Variants in FEM1C observed in about 807,000 individuals in gnomAD.
FEM1C encodes the protein protein fem-1 homolog C.
In FEM1C, 15 loss-of-function variants were observed where a neutral mutation model predicts 37.6. The observed-to-expected ratio is 0.40, with a 90% CI of 0.27 to 0.61. The LOEUF (loss-of-function observed/expected upper bound fraction) is 0.61. Among genes scored for constraint, FEM1C ranks in the 20% least tolerant of loss-of-function variants. The probability of loss-of-function intolerance (pLI) is 0.42; values close to 1 mark genes in which losing one functional copy is unlikely to be tolerated. For missense variants in FEM1C, 532 were observed against 749.7 expected, an observed-to-expected ratio of 0.71 and a Z score of 3.39; for synonymous variants, 287 against 272.8, an observed-to-expected ratio of 1.05 and a Z score of -0.51.
intron 1 of FEM1C, chr5:115,543,917 A>T (rs1389328623): frequency 1.0e-5 from 10 of 985,374 alleles, no homozygotes; most frequent in Non-Finnish European, 1.2e-5. Context: ...GGAAAATTTA[A>T]ACACTACAGG....
intron 2 of FEM1C, among the ~76,000 whole-genome samples, chr5:115,528,090 G>T (rs1753940572): frequency 1.4e-5 from 2 of 146,760 alleles, no homozygotes; most frequent in East Asian, 4.1e-4. Context: ...TATTTATTTT[G>T]AATACACCCA....
rs1258180048 is a variant in FEM1C at position 115,542,930 on chromosome 5, A to C, written c.544+20T>G. ...AAAATAAGTGGTAGACATTTAGAAAAACAAAGAAGCTGAACTCACCTTTGA... is the reference window on the plus strand; with the variant it reads ...AAAATAAGTGGTAGACATTTAGAAACACAAAGAAGCTGAACTCACCTTTGA... On this transcript the variant is annotated intron_variant, in intron 2 of 2. Coordinates refer to ENST00000274457, the MANE Select transcript of FEM1C (RefSeq NM_020177.3). 6.3e-7 allele frequency: 1 copy of C among 1,592,164 alleles called. No homozygotes were observed.
At position 115,543,626 on chromosome 5, in the gene FEM1C, C is replaced by T; in HGVS notation, c.-133G>A. Reference sequence around the variant, plus strand: ...GCTGCACCCCAGAACGGATACACAACCACGAAGAGTATGTTCCGTCCTACT... The same window carrying T: ...GCTGCACCCCAGAACGGATACACAATCACGAAGAGTATGTTCCGTCCTACT... On this transcript the variant is annotated 5_prime_UTR_variant, in exon 2 of 3. Transcript: ENST00000274457. 1.4e-6 allele frequency: 2 copies of T among 1,445,592 alleles called. No homozygotes were observed. Among genetic ancestry groups the T allele is most frequent in the South Asian group, 1.5e-5 (1 of 67,574 alleles). The allele number at this position is 1,445,592 out of a possible 1,614,324, so 89.5% of individuals were successfully genotyped here.
chr5:115,532,629 AAT>A (rs1304395435), intron 2 of FEM1C, among the ~76,000 whole-genome samples: 1 of 151,890 alleles, frequency 6.6e-6, no homozygotes, highest in Admixed American at 6.6e-5. Context: ...ACAAAGTTAT[AAT>A]CAGTATATAT....
In FEM1C at chr5:115,525,296, G is replaced by C; in HGVS notation, c.866C>G (p.Pro289Arg). 4 of 1,613,688 alleles carry C rather than the reference G, an allele frequency of 2.5e-6. No individual in the cohort carries two copies. The highest frequency in any genetic ancestry group is 3.4e-6 in the Non-Finnish European group (4 of 1,179,842). ...ATCATAAGCCATTATTAGTGTCTGT[G>C]GCACTGGTTTACTAATAATATTAGT... ...DRTNIISKPVPQTLIMAYDYA... is the reference protein window; with the variant it reads ...DRTNIISKPVRQTLIMAYDYA... The change falls in exon 3 of 3, where the codon CCA (proline) becomes CGA (arginine). Residue 289 changes from proline (P) to arginine (R), a missense_variant. Physicochemically the swap from Pro to Arg is moderately radical, Grantham distance 103. This residue lies in a region of FEM1C where 221 missense variants were observed against 404.1 expected (regional missense o/e 0.55). Coordinates refer to ENST00000274457, the MANE Select transcript of FEM1C (RefSeq NM_020177.3).
At chr5:115,539,475 A>C (rs1754196168) in intron 2 of FEM1C, among the ~76,000 whole-genome samples, 1 of 152,088 alleles carries the variant, frequency 6.6e-6, no homozygotes, top group South Asian at 2.1e-4. Context: ...AATAGGAACC[A>C]ACTCCCGTCT....
rs1753771534 is a variant in FEM1C, at chr5:115,521,421, T to C, written c.*2887A>G. 6.6e-6 allele frequency: 1 copy of C among 151,812 alleles called. No individual in the cohort carries two copies. The highest frequency in any genetic ancestry group is 2.4e-5 in the African/African-American group (1 of 41,404). 9.4% of individuals were successfully genotyped at this position (151,812 alleles called of 1,614,324 possible). On this transcript the variant is annotated 3_prime_UTR_variant, in exon 3 of 3. Transcript: ENST00000274457. ...AAGTGAGCTATCACTTAACTTCAAA[T>C]TCATAATGGGCACCAAATTATCTTT...
intron 2 of FEM1C, among the ~76,000 whole-genome samples, chr5:115,542,283 C>T (rs55797760): frequency 0.17 from 26,225 of 152,106 alleles, 2,405 homozygotes; most frequent in East Asian, 0.23. Flanking sequence ...AACAAATCCA[C>T]ATCTGTTTAA....
rs1468488457 is a variant in FEM1C, at chr5:115,524,604, C to T, written c.1558G>A (p.Asp520Asn). Residue 520 changes from aspartate to asparagine, a missense_variant, in exon 3 of 3, where the codon GAT (aspartate) becomes AAT (asparagine). This residue lies in a region of FEM1C where 237 missense variants were observed against 260.5 expected (regional missense o/e 0.91). Coordinates refer to ENST00000274457, the MANE Select transcript of FEM1C (RefSeq NM_020177.3). ...VTAILIECGA[D>N]VNVRDSDDNS... ...TCATCCGAGTCTCTGACGTTCACAT[C>T]AGCACCACATTCTATCAGTATTGCA... 1.9e-6 allele frequency: 3 copies of T among 1,609,370 alleles called. No individual in the cohort carries two copies. The highest frequency in any genetic ancestry group is 2.5e-6 in the Non-Finnish European group (3 of 1,178,008).
chr5:115,539,197 A>G (rs1198152609), intron 2 of FEM1C, among the ~76,000 whole-genome samples: 2 of 152,036 alleles, frequency 1.3e-5, no homozygotes, highest in Non-Finnish European at 2.9e-5. Flanking sequence ...TCCAAATCTG[A>G]GCCTACAGCG....
chr5:115,524,102 A>C lies in FEM1C; in HGVS notation c.*206T>G. 1 of 485,888 alleles carries C rather than the reference A, an allele frequency of 2.1e-6. No individual in the cohort carries two copies. Among genetic ancestry groups the C allele is most frequent in the Non-Finnish European group, 3.6e-6 (1 of 277,722 alleles). The allele number at this position is 485,888 out of a possible 1,614,324, so 30.1% of individuals were successfully genotyped here. On this transcript the variant is annotated 3_prime_UTR_variant, in exon 3 of 3. Transcript: ENST00000274457. The stretch of plus-strand genomic sequence containing the variant: ...AATTTGAATGTTACATTTCTCAATA[A>C]TTCACAAACAATATATTATATGGTA...
intron 2 of FEM1C, among the ~76,000 whole-genome samples, chr5:115,532,292 G>T (rs887053221): frequency 3.3e-5 from 5 of 151,996 alleles, no homozygotes. Context: ...TATCCCAGAA[G>T]CAACTAGCAA....
chr5:115,539,883 A>G (rs78150244), intron 2 of FEM1C, among the ~76,000 whole-genome samples: 6,115 of 152,196 alleles, frequency 0.04, 345 homozygotes, highest in African/African-American at 0.13. Flanking sequence ...GCCTGTTAAA[A>G]AGTAATGAAA....
At chr5:115,527,943 G>C (rs1554088937) in intron 2 of FEM1C, among the ~76,000 whole-genome samples, 2 of 138,522 alleles carry the variant, frequency 1.4e-5, no homozygotes, top group Non-Finnish European at 3.0e-5. Flanking sequence ...GGAGGTTGCA[G>C]TAAGCAGAGA....
intron 2 of FEM1C, among the ~76,000 whole-genome samples, chr5:115,530,982 C>T (rs1006873593): frequency 1.3e-5 from 2 of 151,556 alleles, no homozygotes; most frequent in East Asian, 3.9e-4. Context: ...GATACGTATG[C>T]GAATACAGCA....
At chr5:115,534,056 G>C (rs1754071044) in intron 2 of FEM1C, among the ~76,000 whole-genome samples, 1 of 151,892 alleles carries the variant, frequency 6.6e-6, no homozygotes, top group African/African-American at 2.4e-5. Context: ...CATTTCTCTA[G>C]AAAGCTAAAA....
In FEM1C at chr5:115,543,444, C is replaced by T. The variant is rs1754284601; in HGVS notation, c.50G>A (p.Arg17Gln). 4 of 1,613,822 alleles carry T rather than the reference C, an allele frequency of 2.5e-6. No homozygotes were observed. Among genetic ancestry groups the T allele is most frequent in the Admixed American group, 1.7e-5 (1 of 60,004 alleles). Reference sequence around the variant, plus strand: ...GCTTGCCAACAATTTGGTGAGAAGCCGGAGTTTGCCATCCCGAGCTGCGTT... The same window carrying T: ...GCTTGCCAACAATTTGGTGAGAAGCTGGAGTTTGCCATCCCGAGCTGCGTT... The part of the protein sequence containing the change: ...VFNAARDGKL[R>Q]LLTKLLASKS... The change falls in exon 2 of 3, where the codon CGG becomes CAG. Residue 17 changes from arginine (R) to glutamine (Q), a missense_variant. Transcript: ENST00000274457.
rs1273343779 is a variant in FEM1C at position 115,521,043 on chromosome 5, G to T, written c.*3265C>A. The T allele has an allele frequency of 2.0e-5, 3 of 150,144 alleles. No individual in the cohort carries two copies. The East Asian group carries it at 5.9e-4, about 29-fold the overall frequency. The allele number at this position is 150,144 out of a possible 1,614,324, so 9.3% of individuals were successfully genotyped here. A position where few individuals can be genotyped will look rare whatever the true frequency, so the allele number is the denominator to read the frequency against. ...AAATACACAATGGGAACTGACAAAA[G>T]GGAGAGAAACTAGTTGTTTAGTGAC... On this transcript the variant is annotated 3_prime_UTR_variant, in exon 3 of 3. Coordinates refer to ENST00000274457, the MANE Select transcript of FEM1C (RefSeq NM_020177.3).
intron 1 of FEM1C, chr5:115,543,991 G>T (rs1267649989): frequency 1.0e-6 from 1 of 985,240 alleles, no homozygotes; most frequent in Non-Finnish European, 1.2e-6. Flanking sequence ...CTTTGCACAC[G>T]CCCAGGGAGA....
Sources: allele counts gnomAD v4.1 joint callset (sites outside exome capture counted in the v4.1 genomes callset), GRCh38; gene constraint gnomAD v4.1.1; regional missense constraint gnomAD v4.1.1; transcripts MANE v1.5; gene names NCBI Gene and HGNC (gene_info 2026-07-23, HGNC 2026-07-21).